UGT1A8: variants seen among roughly 807,000 people sequenced by gnomAD.
UGT1A8 encodes the protein UDP glucuronosyltransferase family 1 member A8.
UGT1A8 carries 39 observed loss-of-function variants against 45.3 expected under a neutral mutation model. The observed-to-expected ratio is 0.86, with a 90% CI of 0.67 to 1.12. The LOEUF (loss-of-function observed/expected upper bound fraction) is 1.12, where lower values mean the gene tolerates loss of function less well. Ranked by LOEUF, UGT1A8 falls within the 50% of genes most tolerant of loss-of-function variation. The pLI is 0.00. For missense variants in UGT1A8, 719 were observed against 664.9 expected (o/e 1.08, Z -0.90); for synonymous variants, 275 against 249.2 (o/e 1.10, Z -0.97).
chr2:233,705,487 T>C (rs1377718108), intron 1 of UGT1A8, among the ~76,000 whole-genome samples: 1 of 152,176 alleles, frequency 6.6e-6, no homozygotes. Flanking sequence ...AATTTAATGA[T>C]AATAAATACC....
At chr2:233,712,440 C>T (rs2013021) in intron 1 of UGT1A8, among the ~76,000 whole-genome samples, 15,570 of 152,162 alleles carry the variant, frequency 0.1, 916 homozygotes, top group East Asian at 0.2. Context: ...GTGTGAAAAA[C>T]GACCAAAACC....
chr2:233,769,680 T>C lies in UGT1A8; in HGVS notation c.1295+1241T>C. On this transcript the variant is annotated intron_variant, in intron 4 of 4. Transcript: ENST00000373450. The surrounding 1 kb of genome is among the most constrained non-coding windows in gnomAD (Gnocchi z 4.4). The stretch of plus-strand genomic sequence containing the variant: ...CACCTTTGAGGTGCTAATGTGTGTG[T>C]GGTGGCACTGGATAAAAGATCAATG... 1 of 1,566,500 alleles carries C rather than the reference T, an allele frequency of 6.4e-7. No individual in the cohort carries two copies. The highest frequency in any genetic ancestry group is 8.7e-7 in the Non-Finnish European group (1 of 1,155,954).
intron 1 of UGT1A8, among the ~76,000 whole-genome samples, chr2:233,669,866 G>A (rs2074146623): frequency 6.6e-6 from 1 of 151,986 alleles, no homozygotes; most frequent in Non-Finnish European, 1.5e-5. Flanking sequence ...TGCATTTTTA[G>A]TAGAGATAGG....
chr2:233,660,465 G>T (rs2073940636), intron 1 of UGT1A8, among the ~76,000 whole-genome samples: 1 of 152,108 alleles, frequency 6.6e-6, no homozygotes, highest in Admixed American at 6.6e-5. Context: ...TTAGTGGCAA[G>T]GTATTTCTGA....
chr2:233,748,146 T>TAA, intron 1 of UGT1A8: 1 of 1,606,298 alleles, frequency 6.2e-7, no homozygotes, highest in Non-Finnish European at 8.5e-7. Flanking sequence ...TGTATTTACT[T>TAA]ACAATTGCTT....
At chr2:233,762,603 G>T (rs890320273) in intron 1 of UGT1A8, among the ~76,000 whole-genome samples, 2 of 152,136 alleles carry the variant, frequency 1.3e-5, no homozygotes, top group Admixed American at 1.3e-4. Context: ...TGTATTCCAG[G>T]AGTTTTGTTG....
At chr2:233,707,760 G>C (rs2075985712) in intron 1 of UGT1A8, among the ~76,000 whole-genome samples, 1 of 152,188 alleles carries the variant, frequency 6.6e-6, no homozygotes, top group Non-Finnish European at 1.5e-5. Context: ...AAACACATGT[G>C]AGTGGGTTTT....
At chr2:233,756,557 G>C (rs1264520005) in intron 1 of UGT1A8, among the ~76,000 whole-genome samples, 1 of 152,134 alleles carries the variant, frequency 6.6e-6, no homozygotes, top group Admixed American at 6.6e-5. Flanking sequence ...CAACCAGGGA[G>C]ATCCTCTCAG....
chr2:233,682,664 G>A, intron 1 of UGT1A8: 2 of 1,613,842 alleles, frequency 1.2e-6, no homozygotes, highest in Non-Finnish European at 1.7e-6. Context: ...CACGGCATAT[G>A]ATCTCTACAG....
chr2:233,659,413 A>G (rs189210821), intron 1 of UGT1A8, among the ~76,000 whole-genome samples: 4 of 152,344 alleles, frequency 2.6e-5, no homozygotes, highest in South Asian at 2.1e-4. Flanking sequence ...TATTGTAATA[A>G]AGTCAGCTAG....
chr2:233,647,806 A>C, intron 1 of UGT1A8: 3 of 764,340 alleles, frequency 3.9e-6, no homozygotes, highest in Non-Finnish European at 6.0e-6. Flanking sequence ...AGATTTATCA[A>C]GTTAATTGAT....
chr2:233,690,525 A>G (rs1000545540), intron 1 of UGT1A8: 3 of 1,289,480 alleles, frequency 2.3e-6, no homozygotes, highest in Non-Finnish European at 3.0e-6. Flanking sequence ...CTTAGGATCT[A>G]CTTCTTTCAC....
chr2:233,747,267 C>T (rs1178293466), intron 1 of UGT1A8: 115 of 1,599,414 alleles, frequency 7.2e-5, no homozygotes, highest in Non-Finnish European at 9.0e-5. Flanking sequence ...GAGTGCTACT[C>T]CTTCTCAGTG....
chr2:233,757,203 C>G (rs1377755692), intron 1 of UGT1A8, among the ~76,000 whole-genome samples: 1 of 149,926 alleles, frequency 6.7e-6, no homozygotes, highest in Non-Finnish European at 1.5e-5. Context: ...TTTTCTGTGC[C>G]CAGGAAGCTG....
At chr2:233,651,154 C>G (rs2073729784) in intron 1 of UGT1A8, among the ~76,000 whole-genome samples, 1 of 152,154 alleles carries the variant, frequency 6.6e-6, no homozygotes, top group South Asian at 2.1e-4. Flanking sequence ...CTAGACTTTT[C>G]AAAGTGCTTC....
At chr2:233,771,176 C>T (rs887864017) in intron 4 of UGT1A8, 17 of 152,256 alleles carry the variant, frequency 1.1e-4, no homozygotes, top group African/African-American at 3.6e-4. Context: ...CTGGGGATTA[C>T]AATTCAACAT....
chr2:233,694,694 C>CCT (rs1371949887), intron 1 of UGT1A8, among the ~76,000 whole-genome samples: 4 of 152,204 alleles, frequency 2.6e-5, no homozygotes, highest in Non-Finnish European at 4.4e-5. Flanking sequence ...AAGACCCTTA[C>CCT]CTCTCTTCTT....
intron 1 of UGT1A8, chr2:233,693,061 A>G (rs1042707): frequency 6.2e-7 from 1 of 1,614,096 alleles, no homozygotes; most frequent in African/African-American, 1.3e-5. Context: ...TCTTCTTAGC[A>G]CTTTGGGGCA....
intron 1 of UGT1A8, chr2:233,747,653 T>C: frequency 6.3e-7 from 1 of 1,590,314 alleles, no homozygotes; most frequent in Non-Finnish European, 8.6e-7. Context: ...CTTCCTTCGA[T>C]GTGGTTTTAA....
Sources: gnomAD v4.1 joint callset for allele counts (sites outside exome capture counted in the v4.1 genomes callset) on GRCh38, gnomAD v4.1.1 for gene constraint, Gnocchi (gnomAD v3.1) non-coding constraint, MANE v1.5 for transcripts, NCBI Gene and HGNC (gene_info 2026-07-23, HGNC 2026-07-21) for gene names.